GPR35: variants seen among roughly 807,000 people sequenced by gnomAD.
GPR35 encodes G protein-coupled receptor 35.
For synonymous variants in GPR35, 207 were observed against 198.4 expected (o/e 1.04, Z -0.36); for missense variants, 372 against 422.5 (o/e 0.88, Z 1.05).
At chr2:240,615,915 A>G (rs1413294727) in intron 2 of GPR35, among the ~76,000 whole-genome samples, 1 of 152,208 alleles carries the variant, frequency 6.6e-6, no homozygotes, top group African/African-American at 2.4e-5. Flanking sequence ...AAAAGAGCTT[A>G]TTTGGTTGAA....
intron 2 of GPR35, chr2:240,607,633 T>C (rs2043148295): frequency 6.6e-6 from 1 of 152,198 alleles, no homozygotes; most frequent in African/African-American, 2.4e-5. Flanking sequence ...TCCAATTGTT[T>C]TTTGCTAGTA....
intron 2 of GPR35, among the ~76,000 whole-genome samples, chr2:240,610,782 C>A (rs553896668): frequency 1.1e-3 from 168 of 150,180 alleles, no homozygotes; most frequent in Admixed American, 9.7e-3. Flanking sequence ...CTACAGGCGC[C>A]CGCCACCACG....
At chr2:240,618,818 C>A (rs1230446751) in intron 4 of GPR35, 4 of 528,142 alleles carry the variant, frequency 7.6e-6, no homozygotes, top group Non-Finnish European at 1.3e-5. Context: ...TGCTTTTTTT[C>A]ATTTACAAAT....
In GPR35 at chr2:240,630,207, C is replaced by T; in HGVS notation, c.255C>T (p.Asp85=). The change falls in exon 2 of 2, where the codon GAC becomes GAT. Residue 85 remains aspartate, a synonymous_variant. Coordinates refer to ENST00000407714, the MANE Select transcript of GPR35 (RefSeq NM_005301.5). ...TGCACTCCCTGCGAGACACCTCAGA[C>T]ACGCCGCTGTGCCAGCTCTCCCAGG... ...FVLHSLRDTS[D]TPLCQLSQGI... is the part of the protein sequence containing the mutation. The T allele has an allele frequency of 2.5e-6, 4 of 1,576,154 alleles. No homozygotes were observed. The highest frequency in any genetic ancestry group is 3.4e-6 in the Non-Finnish European group (4 of 1,162,960).
chr2:240,621,973 G>A (rs932469480), upstream of GPR35, among the ~76,000 whole-genome samples: 3 of 152,018 alleles, frequency 2.0e-5, no homozygotes, highest in South Asian at 6.2e-4. Flanking sequence ...CCCAGGCTCA[G>A]GTGCTCCTCC....
chr2:240,631,212 G>A lies in GPR35; in HGVS notation c.*330G>A, dbSNP rs531099555. 63 of 352,638 alleles carry A rather than the reference G, an allele frequency of 1.8e-4. No individual in the cohort carries two copies. Among genetic ancestry groups the A allele is most frequent in the African/African-American group, 1.1e-3 (51 of 48,412 alleles). The allele number at this position is 352,638 out of a possible 1,614,324, so 21.8% of individuals were successfully genotyped here. A position where few individuals can be genotyped will look rare whatever the true frequency, so the allele number is the denominator to read the frequency against. ...GGGTGCAGCCTTGATGACACCTGCC[G>A]CTGCCCCTCGGGGCTGGAATAAAAC... On this transcript the variant is annotated 3_prime_UTR_variant, in exon 2 of 2. Transcript: ENST00000407714.
upstream of GPR35, among the ~76,000 whole-genome samples, chr2:240,624,489 C>T (rs1363426704): frequency 2.6e-5 from 4 of 152,222 alleles, no homozygotes; most frequent in Non-Finnish European, 5.9e-5. Context: ...GTAGAGAGCC[C>T]TGGTCTGGCT....
intron 1 of GPR35, chr2:240,605,685 A>G (rs553280849): frequency 6.6e-6 from 1 of 152,410 alleles, no homozygotes; most frequent in Non-Finnish European, 1.5e-5. Context: ...CAAGGTGTTC[A>G]GACCTGGACT....
At position 240,632,742 on chromosome 2, in the gene GPR35, G is replaced by A. The variant is rs949598129; in HGVS notation, c.*1860G>A. On this transcript the variant is annotated 3_prime_UTR_variant, in exon 2 of 2. Coordinates refer to ENST00000407714, the MANE Select transcript of GPR35 (RefSeq NM_005301.5). ...CCATGCCCAGGAGGGTCCATGCCCA[G>A]GCCAGTTCATGCACAGGAGGGCCCC... is the stretch of plus-strand genomic sequence containing the variant. Among the ~76,000 whole-genome samples the A allele has an allele frequency of 2.7e-4, 41 of 151,544 alleles. No individual in the cohort carries two copies. Among genetic ancestry groups the A allele is most frequent in the Admixed American group, 1.3e-4 (2 of 15,248 alleles).
intron 2 of GPR35, chr2:240,607,644 T>C (rs1311026835): frequency 6.6e-6 from 1 of 152,232 alleles, no homozygotes; most frequent in Non-Finnish European, 1.5e-5. Flanking sequence ...TTTGCTAGTA[T>C]ATAGAAGTGC....
intron 2 of GPR35, among the ~76,000 whole-genome samples, chr2:240,612,485 G>A (rs1277529223): frequency 1.3e-5 from 2 of 151,914 alleles, no homozygotes; most frequent in Non-Finnish European, 2.9e-5. Context: ...AAGGCTGCTG[G>A]TGGGTGCGTG....
chr2:240,616,358 T>G (rs959503214), intron 2 of GPR35: 3 of 746,258 alleles, frequency 4.0e-6, no homozygotes, highest in South Asian at 1.4e-5. Flanking sequence ...GTTGGCAGCT[T>G]CCTCCTCCGT....
chr2:240,614,419 G>A (rs926297909), intron 2 of GPR35, among the ~76,000 whole-genome samples: 6 of 152,150 alleles, frequency 3.9e-5, no homozygotes, highest in Non-Finnish European at 7.3e-5. Flanking sequence ...TCACCTTCAC[G>A]ATCACCATTC....
intron 1 of GPR35, chr2:240,628,024 C>G (rs977092886): frequency 2.6e-5 from 4 of 152,326 alleles, no homozygotes; most frequent in East Asian, 3.9e-4. Flanking sequence ...ACCCCCTCCC[C>G]CTCCAGGTCT....
At position 240,631,249 on chromosome 2, in the gene GPR35, A is replaced by C. The variant is rs1170644039; in HGVS notation, c.*367A>C. ...GGCTGGAATAAAACTCCCCACCCAG[A>C]GTCAGTCCTAGTGGGGCCCTCTGTG... On this transcript the variant is annotated 3_prime_UTR_variant, in exon 2 of 2. Coordinates refer to ENST00000407714, the MANE Select transcript of GPR35 (RefSeq NM_005301.5). 1.0e-5 allele frequency: 3 copies of C among 290,348 alleles called. No homozygotes were observed. Among genetic ancestry groups the C allele is most frequent in the Admixed American group, 4.8e-5 (1 of 20,766 alleles). 18.0% of individuals were successfully genotyped at this position (290,348 alleles called of 1,614,324 possible).
chr2:240,630,587 C>A lies in GPR35; in HGVS notation c.635C>A (p.Thr212Asn). 1 of 1,612,866 alleles carries A rather than the reference C, an allele frequency of 6.2e-7. No homozygotes were observed. The highest frequency in any genetic ancestry group is 1.3e-5 in the African/African-American group (1 of 75,048). Residue 212 changes from threonine to asparagine, a missense_variant, in exon 2 of 2, where the codon ACC becomes AAC. Physicochemically the swap from Thr to Asn is moderately conservative, Grantham distance 65 (BLOSUM62 0). Transcript: ENST00000407714. ...PPTDVGQAEATRKAARMVWAN... is the reference protein window; with the variant it reads ...PPTDVGQAEANRKAARMVWAN... ...ACCGACGTGGGGCAGGCAGAGGCCA[C>A]CCGCAAGGCTGCCCGCATGGTCTGG...
In GPR35 at chr2:240,632,436, G is replaced by C. The variant is rs1353578369; in HGVS notation, c.*1554G>C. 6.6e-6 allele frequency among the ~76,000 whole-genome samples: 1 copy of C among 150,820 alleles called. No homozygotes were observed. Reference sequence around the variant, plus strand: ...TCATGCCCAGGAGTGTCCCTGCCTAGGAAGATCCATTACCAGAAGGGCCCA... The same window carrying C: ...TCATGCCCAGGAGTGTCCCTGCCTACGAAGATCCATTACCAGAAGGGCCCA... On this transcript the variant is annotated 3_prime_UTR_variant, in exon 2 of 2. Coordinates refer to ENST00000407714, the MANE Select transcript of GPR35 (RefSeq NM_005301.5).
chr2:240,621,935 C>G (rs568489195), upstream of GPR35, among the ~76,000 whole-genome samples: 1 of 152,198 alleles, frequency 6.6e-6, no homozygotes, highest in African/African-American at 2.4e-5. Context: ...TGCAGTAGCA[C>G]GATCTCAGCT....
At chr2:240,627,634 T>G (rs1480678793) in intron 1 of GPR35, 1 of 107,722 alleles carries the variant, frequency 9.3e-6, no homozygotes, top group African/African-American at 3.0e-5. Context: ...CTGTCTTTTT[T>G]TTTTTTTTTT....
Sources: gnomAD v4.1 joint callset for allele counts (sites outside exome capture counted in the v4.1 genomes callset) on GRCh38, gnomAD v4.1.1 for gene constraint, MANE v1.5 for transcripts, NCBI Gene and HGNC (gene_info 2026-07-23, HGNC 2026-07-21) for gene names.